LMO7: variants seen among roughly 807,000 people sequenced by gnomAD.
The protein encoded by LMO7 is LIM domain only protein 7.
In LMO7, 120 loss-of-function variants were observed where a neutral mutation model predicts 206.5. The observed-to-expected ratio is 0.58, with a 90% CI of 0.50 to 0.68. The LOEUF (loss-of-function observed/expected upper bound fraction) is 0.68, where lower values mean the gene tolerates loss of function less well. Among genes scored for constraint, LMO7 ranks in the 30% least tolerant of loss-of-function variants. The probability of loss-of-function intolerance (pLI) is 0.00; values close to 1 mark genes in which losing one functional copy is unlikely to be tolerated. For missense variants in LMO7, 1,959 were observed against 1,957.9 expected (o/e 1.00, Z -0.01); for synonymous variants, 706 against 681.5 (o/e 1.04, Z -0.56).
chr13:75,686,036 G>A, intron 1 of LMO7, among the ~76,000 whole-genome samples: 1 of 151,490 alleles, frequency 6.6e-6, no homozygotes, highest in Non-Finnish European at 1.5e-5. Flanking sequence ...GACCACTCCT[G>A]GCTAATTTTT....
chr13:75,851,639 A>G (rs2060511683), intron 27 of LMO7, among the ~76,000 whole-genome samples: 2 of 152,258 alleles, frequency 1.3e-5, no homozygotes, highest in Non-Finnish European at 2.9e-5. Flanking sequence ...GACTAGGTAG[A>G]TGAATTCTCA....
At chr13:75,774,761 C>T (rs1284667714) in intron 4 of LMO7, among the ~76,000 whole-genome samples, 1 of 151,960 alleles carries the variant, frequency 6.6e-6, no homozygotes, top group East Asian at 1.9e-4. Context: ...GGTTAGAAGC[C>T]CTTTGTTAGA....
At position 75,809,163 on chromosome 13, in the gene LMO7, A is replaced by G; in HGVS notation, c.1926A>G (p.Gln642=). The change falls in exon 11 of 31, where the codon CAA becomes CAG. Residue 642 remains glutamine (Q), a synonymous_variant. Coordinates refer to ENST00000377534, the MANE Select transcript of LMO7 (RefSeq NM_001306080.2). ...KKRLMVERLF[Q]KIYGENGSKS... The stretch of plus-strand genomic sequence containing the variant: ...TTTTCTGGTTTCTTAGACTCTTTCA[A>G]AAGATTTATGGTGAGAATGGGTAAG... 1 of 1,612,530 alleles carries G rather than the reference A, an allele frequency of 6.2e-7. No individual in the cohort carries two copies. The highest frequency in any genetic ancestry group is 1.1e-5 in the South Asian group (1 of 90,968).
In LMO7 at chr13:75,622,119, C is replaced by A. The variant is rs916974980; in HGVS notation, c.175+251C>A. 2.4e-5 allele frequency: 6 copies of A among 249,432 alleles called. No homozygotes were observed. In the Admixed American group the frequency reaches 3.2e-4, roughly 13 times the overall value. The allele number at this position is 249,432 out of a possible 1,614,324, so 15.5% of individuals were successfully genotyped here. The stretch of plus-strand genomic sequence containing the variant: ...TGTAGGTGCATATATGTATGGGGTA[C>A]ATGAGATACTATGATACAGGCACGG... On this transcript the variant is annotated intron_variant, in intron 1 of 29. Transcript: ENST00000341547.
At chr13:75,741,248 A>G (rs1741650507) in intron 3 of LMO7, among the ~76,000 whole-genome samples, 1 of 152,252 alleles carries the variant, frequency 6.6e-6, no homozygotes, top group Admixed American at 6.5e-5. Context: ...TGTCAATCTC[A>G]TCAATTTCCT....
rs1287400357 is a variant in LMO7 at position 75,821,534 on chromosome 13, G to A, written c.2565G>A (p.Arg855=). 10 of 1,613,898 alleles carry A rather than the reference G, an allele frequency of 6.2e-6. No homozygotes were observed. Among genetic ancestry groups the A allele is most frequent in the South Asian group, 1.1e-5 (1 of 91,070 alleles). The change falls in exon 14 of 31, where the codon AGG becomes AGA. Residue 855 remains arginine, a synonymous_variant. Transcript: ENST00000377534. ...GTTACCGGAAAACTGATACAGTCAG[G>A]TTAACATCTGTGGTCACACCAAGAC... ...PRSYRKTDTV[R]LTSVVTPRPF... is the part of the protein sequence containing the mutation.
chr13:75,714,163 G>C (rs1473634900), intron 2 of LMO7, among the ~76,000 whole-genome samples: 1 of 152,168 alleles, frequency 6.6e-6, no homozygotes, highest in Non-Finnish European at 1.5e-5. Context: ...AAAAGGTCTG[G>C]AGTCAAAGGG....
chr13:75,747,679 G>A (rs2046957080), intron 3 of LMO7, among the ~76,000 whole-genome samples: 1 of 152,184 alleles, frequency 6.6e-6, no homozygotes. Context: ...TGTCTTTAAG[G>A]TGGCATGGCA....
intron 3 of LMO7, among the ~76,000 whole-genome samples, chr13:75,731,643 T>G (rs897976782): frequency 6.6e-6 from 1 of 152,144 alleles, no homozygotes; most frequent in Non-Finnish European, 1.5e-5. Flanking sequence ...AAAGTTAATA[T>G]TGTTATGTGT....
intron 4 of LMO7, among the ~76,000 whole-genome samples, chr13:75,764,947 G>A (rs928559815): frequency 2.0e-5 from 3 of 151,816 alleles, no homozygotes; most frequent in Non-Finnish European, 4.4e-5. Context: ...TTTTTAAGTC[G>A]ATTAAAATGA....
chr13:75,709,967 A>T (rs2042958545), intron 1 of LMO7, among the ~76,000 whole-genome samples: 3 of 152,164 alleles, frequency 2.0e-5, no homozygotes, highest in African/African-American at 7.2e-5. Context: ...TCTTGAATTA[A>T]TTTTTGTATA....
At chr13:75,800,195 G>T (rs2054555010) in intron 6 of LMO7, among the ~76,000 whole-genome samples, 2 of 152,132 alleles carry the variant, frequency 1.3e-5, no homozygotes, top group African/African-American at 4.8e-5. Flanking sequence ...AGTTGTTAAG[G>T]TTTTATGTTA....
At chr13:75,686,033 C>T (rs1383118819) in intron 1 of LMO7, among the ~76,000 whole-genome samples, 1 of 151,658 alleles carries the variant, frequency 6.6e-6, no homozygotes, top group African/African-American at 2.4e-5. Context: ...CATGACCACT[C>T]CTGGCTAATT....
At chr13:75,818,855 G>A (rs73227986) in intron 12 of LMO7, among the ~76,000 whole-genome samples, 1,682 of 152,196 alleles carry the variant, frequency 0.011, 19 homozygotes, top group Non-Finnish European at 0.016. Context: ...TCTCTCCCCT[G>A]TAGACTGAGA....
intron 1 of LMO7, among the ~76,000 whole-genome samples, chr13:75,696,630 A>G (rs1451363963): frequency 1.3e-5 from 2 of 152,122 alleles, no homozygotes; most frequent in Non-Finnish European, 2.9e-5. Context: ...AATCCAGGCC[A>G]TTTGAATCAG....
intron 1 of LMO7, among the ~76,000 whole-genome samples, chr13:75,707,366 ATAT>A (rs1349049328): frequency 1.3e-4 from 20 of 152,016 alleles, no homozygotes; most frequent in Admixed American, 5.9e-4. Context: ...TTTTTAAATA[ATAT>A]TCTTTACAAG....
chr13:75,689,933 A>G (rs1424220823), intron 1 of LMO7, among the ~76,000 whole-genome samples: 1 of 152,058 alleles, frequency 6.6e-6, no homozygotes, highest in Non-Finnish European at 1.5e-5. Flanking sequence ...AACCATATAT[A>G]CATGTCTCCT....
intron 11 of LMO7, among the ~76,000 whole-genome samples, chr13:75,816,015 T>A (rs1365021206): frequency 2.0e-5 from 3 of 152,216 alleles, no homozygotes; most frequent in Non-Finnish European, 4.4e-5. Context: ...AATCTGTCCT[T>A]TGGCAATTGA....
intron 3 of LMO7, among the ~76,000 whole-genome samples, chr13:75,749,551 A>G (rs2139392195): frequency 6.6e-6 from 1 of 152,274 alleles, no homozygotes; most frequent in Admixed American, 6.5e-5. Flanking sequence ...AAGCATTTCA[A>G]CTAGCCTTTA....
Sources: allele counts gnomAD v4.1 joint callset (sites outside exome capture counted in the v4.1 genomes callset), GRCh38; gene constraint gnomAD v4.1.1; transcripts MANE v1.5; gene names NCBI Gene and HGNC (gene_info 2026-07-23, HGNC 2026-07-21).